TAB3: variants seen among roughly 807,000 people sequenced by gnomAD.
TAB3 encodes the protein TGF-beta-activated kinase 1 and MAP3K7-binding protein 3.
A neutral mutation model predicts 48.1 loss-of-function variants in TAB3; 18 were observed. The observed-to-expected ratio is 0.37, with a 90% CI of 0.26 to 0.55. The LOEUF (loss-of-function observed/expected upper bound fraction) is 0.55, where lower values mean the gene tolerates loss of function less well. Ranked by LOEUF, TAB3 falls within the 20% of genes least tolerant of loss-of-function variation. The pLI is 0.78. For missense variants in TAB3, 414 were observed against 549.8 expected, an observed-to-expected ratio of 0.75 and a Z score of 2.47; for synonymous variants, 185 against 190.2, an observed-to-expected ratio of 0.97 and a Z score of 0.22.
At position 30,873,965 on chromosome X, in the gene TAB3, G is replaced by A. The variant is rs192771998; in HGVS notation, c.-382-2164C>T. 2.8e-3 allele frequency among the ~76,000 whole-genome samples: 313 copies of A among 110,967 alleles called. 2 individuals are homozygous for A. The highest frequency in any genetic ancestry group is 9.4e-3 in the African/African-American group (287 of 30,454). ...AAGGCGGGAGGATCCCTTGATCCCA[G>A]GAGTTCAAGACTGGCCTGGGCAACA... On this transcript the variant is annotated intron_variant, in intron 1 of 10. Coordinates refer to ENST00000288422, the MANE Select transcript of TAB3 (RefSeq NM_152787.5).
At chrX:30,877,537 C>T (rs756790101) in intron 1 of TAB3, among the ~76,000 whole-genome samples, 1 of 112,258 alleles carries the variant, frequency 8.9e-6, no homozygotes, top group South Asian at 3.7e-4. Flanking sequence ...CTTTAATATT[C>T]TTGCTTCAAC....
chrX:30,853,512 A>C (rs761254382), intron 6 of TAB3, among the ~76,000 whole-genome samples: 60 of 110,241 alleles, frequency 5.4e-4, no homozygotes, highest in African/African-American at 1.9e-3. Flanking sequence ...TCCATTCTCC[A>C]TGAATCTCTT....
At chrX:30,842,055 C>T (rs1477873579) in intron 9 of TAB3, among the ~76,000 whole-genome samples, 1 of 112,368 alleles carries the variant, frequency 8.9e-6, no homozygotes, top group African/African-American at 3.2e-5. Flanking sequence ...GTGATCCATC[C>T]GTCTGGCTTA....
intron 9 of TAB3, among the ~76,000 whole-genome samples, chrX:30,837,260 G>A (rs1193686389): frequency 2.7e-5 from 3 of 109,327 alleles, no homozygotes. Context: ...TGTTGGACAG[G>A]CTGGTCTCAA....
chrX:30,851,173 C>T (rs1214476509), intron 7 of TAB3, among the ~76,000 whole-genome samples: 1 of 112,250 alleles, frequency 8.9e-6, no homozygotes, highest in African/African-American at 3.2e-5. Context: ...TTCCTCCTCA[C>T]TTCTAATATT....
chrX:30,832,517 C>CA (rs998408136), intron 10 of TAB3, among the ~76,000 whole-genome samples: 5 of 112,065 alleles, frequency 4.5e-5, no homozygotes, highest in Non-Finnish European at 9.4e-5. Context: ...AAATAGGTAA[C>CA]AAAAGAAACA....
At chrX:30,846,817 G>A (rs372612783) in intron 7 of TAB3, among the ~76,000 whole-genome samples, 173 bp from the exon 8 acceptor site, 1 of 111,838 alleles carries the variant, frequency 8.9e-6, no homozygotes, top group East Asian at 2.8e-4. Context: ...AGGAATAGTC[G>A]GGTAAAATGG....
intron 7 of TAB3, among the ~76,000 whole-genome samples, chrX:30,847,701 G>C (rs1938676053): frequency 9.0e-6 from 1 of 110,964 alleles, no homozygotes; most frequent in Non-Finnish European, 1.9e-5. Flanking sequence ...CATGTACTTT[G>C]CTAAACGCTA....
chrX:30,869,473 C>T (rs762294840), intron 2 of TAB3, among the ~76,000 whole-genome samples: 2 of 112,413 alleles, frequency 1.8e-5, no homozygotes, highest in South Asian at 3.7e-4. Context: ...TTATCACTTT[C>T]AGCACTTAGT....
At chrX:30,887,061 C>T (rs1223959149) in intron 1 of TAB3, among the ~76,000 whole-genome samples, 1 of 112,282 alleles carries the variant, frequency 8.9e-6, no homozygotes, top group Non-Finnish European at 1.9e-5. Context: ...AAAACAGGGT[C>T]AGCTGTCAAG....
chrX:30,860,870 A>C (rs1267119245), intron 4 of TAB3, among the ~76,000 whole-genome samples: 1 of 111,947 alleles, frequency 8.9e-6, no homozygotes, highest in African/African-American at 3.2e-5. Flanking sequence ...CTGTGGTTAC[A>C]TAAGAGAATA....
chrX:30,828,591 T>C lies in TAB3; in HGVS notation c.*2836A>G, dbSNP rs771364546. 2 of 112,647 alleles carry C rather than the reference T, an allele frequency of 1.8e-5. No homozygotes were observed. Among genetic ancestry groups the C allele is most frequent in the Non-Finnish European group, 3.7e-5 (2 of 53,445 alleles). The allele number at this position is 112,647 out of a possible 1,213,427, so 9.3% of individuals were successfully genotyped here. A position where few individuals can be genotyped will look rare whatever the true frequency, so the allele number is the denominator to read the frequency against. On this transcript the variant is annotated 3_prime_UTR_variant, in exon 11 of 11. Coordinates refer to ENST00000288422, the MANE Select transcript of TAB3 (RefSeq NM_152787.5). ...TAAACTTTTAAAAACTACTCCAAAATTTAAGGGGCAATGTACTTTAACAAA... is the reference window on the plus strand; with the variant it reads ...TAAACTTTTAAAAACTACTCCAAAACTTAAGGGGCAATGTACTTTAACAAA...
At chrX:30,874,854 G>A (rs773159405) in intron 1 of TAB3, among the ~76,000 whole-genome samples, 24 of 112,222 alleles carry the variant, frequency 2.1e-4, no homozygotes, top group African/African-American at 5.8e-4. Flanking sequence ...CAAGAAAGAC[G>A]GTAAATGAAC....
intron 1 of TAB3, 99 bp downstream of exon 1, chrX:30,889,015 C>A (rs977510994): frequency 8.8e-6 from 1 of 113,086 alleles, no homozygotes; most frequent in Non-Finnish European, 1.9e-5. Flanking sequence ...CAGTTGCGCA[C>A]ACGCCCACCG....
chrX:30,866,073 T>C (rs1291300728), intron 4 of TAB3, among the ~76,000 whole-genome samples: 1 of 111,592 alleles, frequency 9.0e-6, no homozygotes, highest in Non-Finnish European at 1.9e-5. Context: ...TTTGAAATAG[T>C]CACATATTCA....
intron 9 of TAB3, chrX:30,834,974 C>T (rs1938151293): frequency 1.7e-5 from 2 of 117,246 alleles, no homozygotes; most frequent in African/African-American, 3.3e-5. Flanking sequence ...AGAACCAACT[C>T]GATATAATAG....
intron 4 of TAB3, among the ~76,000 whole-genome samples, chrX:30,863,780 C>T (rs1939323998): frequency 8.9e-6 from 1 of 111,905 alleles, no homozygotes; most frequent in Non-Finnish European, 1.9e-5. Flanking sequence ...TGTTTCTTTA[C>T]AGTGACATAA....
intron 9 of TAB3, among the ~76,000 whole-genome samples, chrX:30,839,724 G>T (rs1363346685): frequency 1.8e-5 from 2 of 109,319 alleles, no homozygotes; most frequent in Non-Finnish European, 3.8e-5. Context: ...AAAAGGAAAT[G>T]AAATGAAAAA....
At chrX:30,847,848 G>A (rs1938682868) in intron 7 of TAB3, among the ~76,000 whole-genome samples, 1 of 111,355 alleles carries the variant, frequency 9.0e-6, no homozygotes, top group African/African-American at 3.3e-5. Context: ...AGTGATAAAA[G>A]GCAGAATAGC....
Sources: allele counts gnomAD v4.1 joint callset (sites outside exome capture counted in the v4.1 genomes callset), GRCh38; gene constraint gnomAD v4.1.1; transcripts MANE v1.5; gene names NCBI Gene and HGNC (gene_info 2026-07-23, HGNC 2026-07-21).